ANKRD62: variants seen among roughly 807,000 people sequenced by gnomAD.
ANKRD62 encodes the protein ankyrin repeat domain 62.
A neutral mutation model predicts 98.8 loss-of-function variants in ANKRD62; 61 were observed. The ratio of observed to expected loss-of-function variants is 0.62; its 90% CI spans 0.50 to 0.76. The LOEUF (loss-of-function observed/expected upper bound fraction) is 0.76, where lower values mean the gene tolerates loss of function less well. ANKRD62 is among the 30% of genes least tolerant of loss of function. ANKRD62 has a pLI of 0.00. For synonymous variants in ANKRD62, 341 were observed against 367.9 expected (o/e 0.93, Z 0.84); for missense variants, 933 against 1,082.9 (o/e 0.86, Z 1.94).
intron 8 of ANKRD62, among the ~76,000 whole-genome samples, chr18:12,114,557 TTA>T (rs1219132599): frequency 1.3e-5 from 2 of 152,202 alleles, no homozygotes; most frequent in Admixed American, 1.3e-4. Context: ...AAAATATCTA[TTA>T]TGTTACCTAC....
intron 12 of ANKRD62, among the ~76,000 whole-genome samples, 166 bp from the exon 13 acceptor site, chr18:12,125,294 C>T (rs1370049651): frequency 2.0e-5 from 3 of 151,992 alleles, no homozygotes; most frequent in Admixed American, 2.0e-4. Flanking sequence ...AATTTACTCT[C>T]TAAAAGGTTT....
the ANKRD62 span, among the ~76,000 whole-genome samples, chr18:12,168,545 G>T: frequency 2.0e-5 from 3 of 152,290 alleles, no homozygotes; most frequent in Non-Finnish European, 2.9e-5. Context: ...TAGCCTTGTA[G>T]TATAGTTTGA....
At chr18:12,138,655 C>G in the ANKRD62 span, among the ~76,000 whole-genome samples, 1 of 152,110 alleles carries the variant, frequency 6.6e-6, no homozygotes, top group Non-Finnish European at 1.5e-5. Flanking sequence ...GTGTTAAAGT[C>G]TCCTATTATT....
intron 7 of ANKRD62, among the ~76,000 whole-genome samples, chr18:12,106,540 A>G (rs978951741): frequency 3.3e-5 from 5 of 152,204 alleles, no homozygotes; most frequent in Non-Finnish European, 7.3e-5. Flanking sequence ...GTGCAATAAA[A>G]TGCTGGAAAA....
chr18:12,141,192 G>T, the ANKRD62 span, among the ~76,000 whole-genome samples: 1 of 152,252 alleles, frequency 6.6e-6, no homozygotes, highest in African/African-American at 2.4e-5. Flanking sequence ...CGTTTGTTAA[G>T]CCCGTTGGAC....
chr18:12,139,851 C>G, the ANKRD62 span, among the ~76,000 whole-genome samples: 58 of 152,138 alleles, frequency 3.8e-4, no homozygotes, highest in African/African-American at 3.6e-4. Context: ...CGAGGAGTAT[C>G]TTTGTGGCAT....
At chr18:12,173,578 T>C in the ANKRD62 span, among the ~76,000 whole-genome samples, 1 of 152,248 alleles carries the variant, frequency 6.6e-6, no homozygotes, top group African/African-American at 2.4e-5. Flanking sequence ...ATGTGGTTGC[T>C]TTATAATGCC....
intron 10 of ANKRD62, among the ~76,000 whole-genome samples, chr18:12,121,365 T>C (rs1909778242): frequency 6.6e-6 from 1 of 152,182 alleles, no homozygotes; most frequent in South Asian, 2.1e-4. Flanking sequence ...GCTCTTGGGA[T>C]TGGACCCTCT....
the ANKRD62 span, among the ~76,000 whole-genome samples, chr18:12,163,342 T>C: frequency 6.6e-6 from 1 of 152,140 alleles, no homozygotes; most frequent in Non-Finnish European, 1.5e-5. Context: ...GAGTTTTGTA[T>C]ATTGATTTTG....
At chr18:12,167,245 C>A in the ANKRD62 span, among the ~76,000 whole-genome samples, 1 of 151,888 alleles carries the variant, frequency 6.6e-6, no homozygotes. Flanking sequence ...ATTAGCTCAT[C>A]ATTTACATTA....
the ANKRD62 span, among the ~76,000 whole-genome samples, chr18:12,179,656 C>T: frequency 6.6e-6 from 1 of 151,370 alleles, no homozygotes; most frequent in African/African-American, 2.5e-5. Flanking sequence ...ACTGTCCTTA[C>T]TTTAGAAATG....
the ANKRD62 span, among the ~76,000 whole-genome samples, chr18:12,139,304 A>G: frequency 7.2e-5 from 11 of 152,088 alleles, no homozygotes; most frequent in East Asian, 1.5e-3. Flanking sequence ...CACTTATGAA[A>G]CTTAGTTTGG....
At chr18:12,136,265 T>A in the ANKRD62 span, among the ~76,000 whole-genome samples, 1 of 152,008 alleles carries the variant, frequency 6.6e-6, no homozygotes, top group Non-Finnish European at 1.5e-5. Context: ...TACATATGGC[T>A]AGCCAGTTTT....
In ANKRD62 at chr18:12,101,762, C is replaced by T. The variant is rs536571142; in HGVS notation, c.821-1396C>T. ...TCTTATGAGAAGCTGGGAGGCAACC[C>T]CATTAACTCACCGCAATACAAAACT... On this transcript the variant is annotated intron_variant, in intron 6 of 13. Coordinates refer to ENST00000587848, the MANE Select transcript of ANKRD62 (RefSeq NM_001277333.2). Among the ~76,000 whole-genome samples the T allele has an allele frequency of 3.3e-5, 5 of 152,220 alleles. No individual in the cohort carries two copies. The South Asian group carries it at 1.0e-3, about 32-fold the overall frequency.
chr18:12,113,248 AAAAG>A (rs1909587346), intron 8 of ANKRD62, among the ~76,000 whole-genome samples: 1 of 152,220 alleles, frequency 6.6e-6, no homozygotes, highest in Non-Finnish European at 1.5e-5. Flanking sequence ...AACATGGAAA[AAAAG>A]CTCAACTTCA....
At chr18:12,109,955 A>G (rs1328863118) in intron 8 of ANKRD62, among the ~76,000 whole-genome samples, 4 of 73,010 alleles carry the variant, frequency 5.5e-5, no homozygotes, top group Admixed American at 2.3e-4. Context: ...GTTACCAAAA[A>G]AAAAAAAAAA....
rs1468896034 is a variant in ANKRD62 at position 12,124,330 on chromosome 18, T to C, written c.1638+10T>C. 3 of 936,642 alleles carry C rather than the reference T, an allele frequency of 3.2e-6. No individual in the cohort carries two copies. In the East Asian group the frequency reaches 8.9e-5, roughly 28 times the overall value. 58.0% of individuals were successfully genotyped at this position (936,642 alleles called of 1,614,324 possible). A position where few individuals can be genotyped will look rare whatever the true frequency, so the allele number is the denominator to read the frequency against. Reference sequence around the variant, plus strand: ...AAGTAACTCAAATCAGGTAAATTAATGTTTGGTAAAATTTTACATTTCTAA... The same window carrying C: ...AAGTAACTCAAATCAGGTAAATTAACGTTTGGTAAAATTTTACATTTCTAA... On this transcript the variant is annotated intron_variant, in intron 12 of 13. Coordinates refer to ENST00000587848, the MANE Select transcript of ANKRD62 (RefSeq NM_001277333.2).
the ANKRD62 span, among the ~76,000 whole-genome samples, chr18:12,180,610 GA>G: frequency 2.7e-3 from 355 of 133,298 alleles, 1 homozygote; most frequent in Non-Finnish European, 4.7e-3. Flanking sequence ...TTGAGAGCAA[GA>G]GAGGTCCCTT....
chr18:12,160,842 C>T, the ANKRD62 span, among the ~76,000 whole-genome samples: 85 of 152,002 alleles, frequency 5.6e-4, no homozygotes, highest in East Asian at 0.016. Flanking sequence ...CAAAAAATGG[C>T]GGTGGAAGGA....
Sources: gnomAD v4.1 joint callset for allele counts (sites outside exome capture counted in the v4.1 genomes callset) on GRCh38, gnomAD v4.1.1 for gene constraint, MANE v1.5 for transcripts, NCBI Gene and HGNC (gene_info 2026-07-23, HGNC 2026-07-21) for gene names.